XRCC2: variants seen among roughly 807,000 people sequenced by gnomAD.
XRCC2 encodes X-ray repair cross complementing 2.
A neutral mutation model predicts 27.3 loss-of-function variants in XRCC2; 24 were observed. The ratio of observed to expected loss-of-function variants is 0.88; its 90% CI spans 0.64 to 1.24. XRCC2 has a LOEUF of 1.24. XRCC2 is among the 50% of genes most tolerant of loss of function. The pLI, the probability that XRCC2 is intolerant of heterozygous loss-of-function variation, is 0.00. For missense variants in XRCC2, 321 were observed against 325.8 expected, an observed-to-expected ratio of 0.99 and a Z score of 0.11; for synonymous variants, 106 against 115.4, an observed-to-expected ratio of 0.92 and a Z score of 0.52.
rs730882043 is a variant in XRCC2 at position 152,649,214 on chromosome 7, G to A, written c.271C>T (p.Arg91Trp). 2.3e-5 allele frequency: 37 copies of A among 1,613,676 alleles called. No individual in the cohort carries two copies. Among genetic ancestry groups the A allele is most frequent in the Non-Finnish European group, 2.5e-5 (30 of 1,180,036 alleles). Residue 91 changes from arginine (R) to tryptophan (W), a missense_variant, in exon 3 of 3, where the codon CGG (arginine) becomes TGG (tryptophan). Coordinates refer to ENST00000359321, the MANE Select transcript of XRCC2 (RefSeq NM_005431.2). Reference protein sequence around the residue: ...IDTDYHFDMLRLVTILEHRLS... With the variant: ...IDTDYHFDMLWLVTILEHRLS... ...CTGTGCTCAAGAATTGTAACTAGCC[G>A]GAGCATATCAAAGTGGTAATCTGTA...
At chr7:152,657,961 T>TTTTTTTTTTG (rs1554411413) in intron 2 of XRCC2, among the ~76,000 whole-genome samples, 52 of 125,354 alleles carry the variant, frequency 4.1e-4, no homozygotes, top group Middle Eastern at 3.8e-3. Context: ...TTTGTCTTTG[T>TTTTTTTTTTG]TTTTTTTTTT....
intron 2 of XRCC2, among the ~76,000 whole-genome samples, chr7:152,650,768 C>T (rs2116989791): frequency 6.6e-6 from 1 of 152,076 alleles, no homozygotes; most frequent in African/African-American, 2.4e-5. Flanking sequence ...CACCTGTAAT[C>T]CCAGCTACTT....
chr7:152,667,643 G>A (rs1395465227), intron 1 of XRCC2, among the ~76,000 whole-genome samples: 1 of 151,340 alleles, frequency 6.6e-6, no homozygotes, highest in Non-Finnish European at 1.5e-5. Context: ...TTATAAAGGG[G>A]GTGAAAGAAC....
chr7:152,651,202 A>G (rs950041512), intron 2 of XRCC2, among the ~76,000 whole-genome samples: 2 of 152,098 alleles, frequency 1.3e-5, no homozygotes, highest in African/African-American at 4.8e-5. Flanking sequence ...GGCCTCCCAA[A>G]GTGCTGGGAT....
chr7:152,662,873 T>A (rs548494846), intron 1 of XRCC2, among the ~76,000 whole-genome samples: 47 of 152,272 alleles, frequency 3.1e-4, no homozygotes, highest in African/African-American at 1.1e-3. Context: ...GCGCCCGGCC[T>A]TATTTGCATT....
intron 2 of XRCC2, among the ~76,000 whole-genome samples, chr7:152,658,889 G>A (rs1413260126): frequency 6.6e-6 from 1 of 152,180 alleles, no homozygotes; most frequent in African/African-American, 2.4e-5. Context: ...CATTTAGGTT[G>A]GTTTTACCTC....
intron 2 of XRCC2, among the ~76,000 whole-genome samples, chr7:152,650,525 C>T (rs771929070): frequency 6.6e-6 from 1 of 152,160 alleles, no homozygotes; most frequent in Non-Finnish European, 1.5e-5. Flanking sequence ...TATTAATTTA[C>T]GGCTGAACTA....
intron 2 of XRCC2, 40 bp from the exon 3 acceptor site, chr7:152,649,403 T>A: frequency 6.6e-7 from 1 of 1,516,024 alleles, no homozygotes; most frequent in Non-Finnish European, 8.8e-7. Flanking sequence ...ATGCAGTAGC[T>A]CAAGGGTAGG....
rs2098027177 is a variant in XRCC2 at position 152,648,804 on chromosome 7, G to A, written c.681C>T (p.Leu227=). 4 of 1,614,204 alleles carry A rather than the reference G, an allele frequency of 2.5e-6. No individual in the cohort carries two copies. The highest frequency in any genetic ancestry group is 3.4e-6 in the Non-Finnish European group (4 of 1,180,044). The change falls in exon 3 of 3, where the codon CTC becomes CTT. Residue 227 remains leucine, a synonymous_variant. Transcript: ENST00000359321. The part of the protein sequence containing the change: ...CDVDIDYRPY[L]CKAWQQLVKH... ...TCACCAGTTGCTGCCATGCCTTACA[G>A]AGATAAGGTCTGTAGTCTATGTCCA...
rs772835692 is a variant in XRCC2, at chr7:152,648,805, A to G, written c.680T>C (p.Leu227Pro). ...CACCAGTTGCTGCCATGCCTTACAGAGATAAGGTCTGTAGTCTATGTCCAC... is the reference window on the plus strand; with the variant it reads ...CACCAGTTGCTGCCATGCCTTACAGGGATAAGGTCTGTAGTCTATGTCCAC... ...CDVDIDYRPY[L>P]CKAWQQLVKH... Residue 227 changes from leucine (L) to proline (P), a missense_variant, in exon 3 of 3, where the codon CTC becomes CCC. Leu to Pro is a moderately conservative substitution (Grantham distance 98, BLOSUM62 -3). Coordinates refer to ENST00000359321, the MANE Select transcript of XRCC2 (RefSeq NM_005431.2). 1 of 1,614,022 alleles carries G rather than the reference A, an allele frequency of 6.2e-7. No individual in the cohort carries two copies.
At chr7:152,661,134 C>A (rs1249326894) in intron 1 of XRCC2, among the ~76,000 whole-genome samples, 1 of 151,652 alleles carries the variant, frequency 6.6e-6, no homozygotes, top group East Asian at 1.9e-4. Context: ...GGCCCTATCT[C>A]AAAAAAAATT....
intron 2 of XRCC2, 141 bp from the exon 3 acceptor site, chr7:152,649,504 G>T: frequency 9.4e-7 from 1 of 1,066,248 alleles, no homozygotes. Context: ...AAATGGAGCT[G>T]TACAAGCAAA....
chr7:152,655,648 G>A (rs974104324), intron 2 of XRCC2, among the ~76,000 whole-genome samples: 7 of 152,322 alleles, frequency 4.6e-5, no homozygotes, highest in Non-Finnish European at 8.8e-5. Flanking sequence ...GTTGGTCGAG[G>A]CTGCAGCGAG....
At chr7:152,666,683 G>A (rs971894229) in intron 1 of XRCC2, among the ~76,000 whole-genome samples, 3 of 150,172 alleles carry the variant, frequency 2.0e-5, no homozygotes, top group Admixed American at 1.3e-4. Context: ...AGTGGCACAA[G>A]TTCAGCTCAC....
At position 152,645,841 on chromosome 7, in the gene XRCC2, CAGG is replaced by C. The variant is rs1357021841; in HGVS notation, c.*2798_*2800del. The C allele has an allele frequency of 2.0e-5, 3 of 152,184 alleles. No homozygotes were observed. Among genetic ancestry groups the C allele is most frequent in the Non-Finnish European group, 4.4e-5 (3 of 68,048 alleles). 9.4% of individuals were successfully genotyped at this position (152,184 alleles called of 1,614,324 possible). On this transcript the variant is annotated 3_prime_UTR_variant, in exon 3 of 3. Transcript: ENST00000359321. ...GCTGAGGTGGAGGCTCACTGGAACC[CAGG>C]AGTTCGAGGCTGCAGTGAGTTATGA... is the stretch of plus-strand genomic sequence containing the variant.
chr7:152,670,311 T>C (rs2098037650), intron 1 of XRCC2, among the ~76,000 whole-genome samples: 1 of 152,226 alleles, frequency 6.6e-6, no homozygotes, highest in Non-Finnish European at 1.5e-5. Flanking sequence ...GAGATCAATA[T>C]TGGCTTTGTT....
chr7:152,663,308 C>T (rs2098034098), intron 1 of XRCC2, among the ~76,000 whole-genome samples: 1 of 106,264 alleles, frequency 9.4e-6, no homozygotes, highest in South Asian at 3.0e-4. Flanking sequence ...TGCACTCAGG[C>T]AGAACAAAAC....
intron 1 of XRCC2, among the ~76,000 whole-genome samples, chr7:152,669,166 A>G (rs564929037): frequency 3.5e-4 from 53 of 152,270 alleles, no homozygotes; most frequent in African/African-American, 1.2e-3. Context: ...ACTTGAGGCC[A>G]AGAGTTCAAG....
At chr7:152,655,975 TCAAAA>T (rs1261705369) in intron 2 of XRCC2, among the ~76,000 whole-genome samples, 2 of 151,968 alleles carry the variant, frequency 1.3e-5, no homozygotes, top group South Asian at 2.1e-4. Flanking sequence ...AGACTCTGTG[TCAAAA>T]CAAAACAAAA....
Sources: allele counts gnomAD v4.1 joint callset (sites outside exome capture counted in the v4.1 genomes callset), GRCh38; gene constraint gnomAD v4.1.1; transcripts MANE v1.5; gene names NCBI Gene and HGNC (gene_info 2026-07-23, HGNC 2026-07-21).